Variants in BICC1 observed in about 807,000 individuals in gnomAD.
BICC1 encodes the protein BicC family RNA binding protein 1.
BICC1 carries 43 observed loss-of-function variants against 111.0 expected under a neutral mutation model. The ratio of observed to expected loss-of-function variants is 0.39; its 90% CI spans 0.30 to 0.50. The LOEUF is 0.50. Among genes scored for constraint, BICC1 ranks in the 20% least tolerant of loss-of-function variants. The pLI, the probability that BICC1 is intolerant of heterozygous loss-of-function variation, is 0.88. For missense variants in BICC1, 1,091 were observed against 1,203.2 expected, an observed-to-expected ratio of 0.91 and a Z score of 1.38; for synonymous variants, 467 against 434.4, an observed-to-expected ratio of 1.07 and a Z score of -0.93.
chr10:58,554,611 A>T (rs898891441), intron 1 of BICC1, among the ~76,000 whole-genome samples: 2 of 152,096 alleles, frequency 1.3e-5, no homozygotes, highest in Non-Finnish European at 2.9e-5. Flanking sequence ...AGGTGCAAAC[A>T]TCAGAAAAAA....
chr10:58,682,476 T>TC (rs1015910123), intron 2 of BICC1, among the ~76,000 whole-genome samples: 2 of 152,198 alleles, frequency 1.3e-5, no homozygotes, highest in Non-Finnish European at 2.9e-5. Context: ...TAGTTTACAT[T>TC]CCCACCAGCA....
chr10:58,529,368 C>T (rs1842623767), intron 1 of BICC1, among the ~76,000 whole-genome samples: 1 of 151,820 alleles, frequency 6.6e-6, no homozygotes, highest in South Asian at 2.1e-4. Flanking sequence ...CAAGTATTTT[C>T]AGAATTGTTT....
intron 3 of BICC1, among the ~76,000 whole-genome samples, chr10:58,763,800 T>G (rs1021109489): frequency 6.6e-6 from 1 of 151,768 alleles, no homozygotes; most frequent in African/African-American, 2.4e-5. Context: ...TGAGACTAGC[T>G]GGGAGGCTTG....
Position 58,806,626 on chromosome 10 carries a change from A to G in BICC1, c.2221+3A>G. The G allele has an allele frequency of 6.2e-7, 1 of 1,607,904 alleles. No individual in the cohort carries two copies. Among genetic ancestry groups the G allele is most frequent in the Non-Finnish European group, 8.5e-7 (1 of 1,174,546 alleles). ...GAAGAAGCTATTAGCCACCAAAGGT[A>G]TGTAATACACTAATAACTTACACTT... is the stretch of plus-strand genomic sequence containing the variant. On this transcript the variant is annotated splice_donor_region_variant and intron_variant, in intron 16 of 20. Transcript: ENST00000373886.
At chr10:58,809,522 G>A (rs1399252058) in intron 17 of BICC1, among the ~76,000 whole-genome samples, 1 of 152,116 alleles carries the variant, frequency 6.6e-6, no homozygotes, top group Non-Finnish European at 1.5e-5. Flanking sequence ...TTACAGGAGT[G>A]AGCTACCACG....
chr10:58,625,072 A>G (rs986569444), intron 2 of BICC1, among the ~76,000 whole-genome samples: 1 of 152,338 alleles, frequency 6.6e-6, no homozygotes, highest in East Asian at 1.9e-4. Flanking sequence ...CTGTAATAGT[A>G]CTTTTTATTC....
chr10:58,645,714 T>C (rs1187957865), intron 2 of BICC1, among the ~76,000 whole-genome samples: 2 of 152,252 alleles, frequency 1.3e-5, no homozygotes, highest in Non-Finnish European at 2.9e-5. Flanking sequence ...TTAAATTTTC[T>C]TCGCCAGGAG....
chr10:58,788,333 AAAAT>A, intron 5 of BICC1, 33 bp from the exon 6 acceptor site: 1 of 1,491,482 alleles, frequency 6.7e-7, no homozygotes, highest in Non-Finnish European at 9.3e-7. Flanking sequence ...GAGTTTGATT[AAAAT>A]AAATCTAACT....
chr10:58,607,317 A>AAAATAAATAAATAAAGAAATAAAT (rs1845255512), intron 1 of BICC1, among the ~76,000 whole-genome samples: 1 of 134,674 alleles, frequency 7.4e-6, no homozygotes, highest in Non-Finnish European at 1.6e-5. Flanking sequence ...ACTCTGTCTC[A>AAAATAAATAAATAAAGAAATAAAT]AAATAAATAA....
intron 3 of BICC1, among the ~76,000 whole-genome samples, chr10:58,772,175 T>A (rs953625538): frequency 3.9e-5 from 6 of 152,104 alleles, no homozygotes; most frequent in Admixed American, 2.0e-4. Context: ...TTGATATAAT[T>A]CCAGAAGTTA....
At chr10:58,771,141 G>C (rs1241778395) in intron 3 of BICC1, among the ~76,000 whole-genome samples, 1 of 152,146 alleles carries the variant, frequency 6.6e-6, no homozygotes, top group Admixed American at 6.5e-5. Context: ...GTTCACAGAA[G>C]GACCCACTGA....
chr10:58,594,881 A>G (rs1844760833), intron 1 of BICC1, among the ~76,000 whole-genome samples: 1 of 152,164 alleles, frequency 6.6e-6, no homozygotes, highest in Admixed American at 6.5e-5. Flanking sequence ...AACAATATTA[A>G]CCTAAATGTA....
chr10:58,557,164 G>T (rs1843472291), intron 1 of BICC1, among the ~76,000 whole-genome samples: 1 of 151,914 alleles, frequency 6.6e-6, no homozygotes, highest in Non-Finnish European at 1.5e-5. Flanking sequence ...TAGGTTGACG[G>T]TGTTTTAAAA....
chr10:58,766,338 A>G (rs927276822), intron 3 of BICC1, among the ~76,000 whole-genome samples: 2 of 152,192 alleles, frequency 1.3e-5, no homozygotes, highest in Admixed American at 1.3e-4. Flanking sequence ...TGATGGAATA[A>G]CATATTGGAA....
intron 3 of BICC1, chr10:58,715,901 A>G (rs1345248350): frequency 4.1e-6 from 5 of 1,234,234 alleles, no homozygotes; most frequent in African/African-American, 2.9e-5. Context: ...TCTTCCAGCA[A>G]TTCTTCTGAT....
At chr10:58,760,216 A>G (rs960469210) in intron 3 of BICC1, among the ~76,000 whole-genome samples, 5 of 152,228 alleles carry the variant, frequency 3.3e-5, no homozygotes, top group Admixed American at 2.6e-4. Context: ...TTCTCAGGCA[A>G]CTCTTATTCC....
intron 20 of BICC1, among the ~76,000 whole-genome samples, chr10:58,825,532 C>G (rs1844369775): frequency 6.6e-6 from 1 of 152,100 alleles, no homozygotes; most frequent in Non-Finnish European, 1.5e-5. Context: ...ACCTCACAGA[C>G]CATATATGGC....
At chr10:58,620,549 A>G (rs1845768597) in intron 1 of BICC1, among the ~76,000 whole-genome samples, 1 of 152,234 alleles carries the variant, frequency 6.6e-6, no homozygotes. Flanking sequence ...TGAGAGTTGC[A>G]TTTATTCATA....
At chr10:58,787,150 A>G (rs1354849155) in intron 5 of BICC1, 69 bp downstream of exon 5, 3 of 1,411,032 alleles carry the variant, frequency 2.1e-6, no homozygotes, top group Admixed American at 2.6e-5. Context: ...CAGTTTGCCT[A>G]TCTTTTTTTT....
Sources: allele counts gnomAD v4.1 joint callset (sites outside exome capture counted in the v4.1 genomes callset), GRCh38; gene constraint gnomAD v4.1.1; transcripts MANE v1.5; gene names NCBI Gene and HGNC (gene_info 2026-07-23, HGNC 2026-07-21).